The following PRKG1 variants were observed in gnomAD, a reference collection of about 807,000 sequenced individuals.
The protein encoded by PRKG1 is protein kinase cGMP-dependent 1.
Under a neutral mutation model 88.1 loss-of-function variants are expected in PRKG1, and 35 were observed. The observed-to-expected ratio is 0.40, with a 90% CI of 0.30 to 0.53. The LOEUF is 0.53. Ranked by LOEUF, PRKG1 falls within the 20% of genes least tolerant of loss-of-function variation. The probability of loss-of-function intolerance (pLI) is 0.59; values close to 1 mark genes in which losing one functional copy is unlikely to be tolerated. For missense variants in PRKG1, 540 were observed against 839.8 expected (o/e 0.64, Z 4.41); for synonymous variants, 303 against 292.5 (o/e 1.04, Z -0.37).
intron 1 of PRKG1, among the ~76,000 whole-genome samples, chr10:51,056,234 T>C (rs919283848): frequency 6.6e-6 from 1 of 152,202 alleles, no homozygotes; most frequent in African/African-American, 2.4e-5. Context: ...GTACTAGATA[T>C]GCTATTTGTG....
In PRKG1 at chr10:52,149,829, C is replaced by T. The variant is rs1420831553; in HGVS notation, c.1002-12060C>T. 2.0e-5 allele frequency among the ~76,000 whole-genome samples: 3 copies of T among 149,762 alleles called. No homozygotes were observed. In the East Asian group the frequency reaches 5.9e-4, roughly 29 times the overall value. ...TAATACAATAGGAGAAAGAGGTGAC[C>T]TATTGAAATAAAAATTATTTATCTT... On this transcript the variant is annotated intron_variant, in intron 8 of 17. Transcript: ENST00000373980.
At chr10:52,072,375 C>T (rs1447818357) in intron 7 of PRKG1, among the ~76,000 whole-genome samples, 1 of 151,686 alleles carries the variant, frequency 6.6e-6, no homozygotes, top group African/African-American at 2.4e-5. Flanking sequence ...AAGATGCTGT[C>T]CTCTCACTTT....
At chr10:51,960,840 G>C (rs1426987514) in intron 5 of PRKG1, among the ~76,000 whole-genome samples, 3 of 152,138 alleles carry the variant, frequency 2.0e-5, no homozygotes, top group Non-Finnish European at 4.4e-5. Context: ...TGCCAACAAA[G>C]AGCCTGTGAA....
intron 4 of PRKG1, among the ~76,000 whole-genome samples, chr10:51,836,484 T>C (rs1223754708): frequency 3.3e-5 from 5 of 152,196 alleles, no homozygotes. Context: ...AAGAAATCTC[T>C]ACCCAAAGCA....
chr10:51,475,192 G>T (rs1840156907), intron 3 of PRKG1, among the ~76,000 whole-genome samples: 1 of 151,894 alleles, frequency 6.6e-6, no homozygotes, highest in Non-Finnish European at 1.5e-5. Context: ...CCTGAATAAG[G>T]CTCTTAATAT....
chr10:51,464,991 C>G (rs577977857), intron 2 of PRKG1, among the ~76,000 whole-genome samples: 1 of 151,764 alleles, frequency 6.6e-6, no homozygotes, highest in Admixed American at 6.6e-5. Context: ...ACAATTCTGG[C>G]TGTAATGCCA....
At chr10:50,993,194 A>T (rs1318940330) in intron 1 of PRKG1, among the ~76,000 whole-genome samples, 1 of 152,196 alleles carries the variant, frequency 6.6e-6, no homozygotes, top group African/African-American at 2.4e-5. Flanking sequence ...GAAGACCAGG[A>T]GCTGGGAGCC....
In PRKG1 at chr10:51,198,864, G is replaced by A. The variant is rs568053623; in HGVS notation, c.478+45534G>A. Among the ~76,000 whole-genome samples, 13 of 152,264 alleles carry A rather than the reference G, an allele frequency of 8.5e-5. No homozygotes were observed. In the East Asian group the frequency reaches 1.2e-3, roughly 14 times the overall value. On this transcript the variant is annotated intron_variant, in intron 2 of 17. Transcript: ENST00000373980. ...ACCCCTAAGTAAGATTTAGTTATCC[G>A]TAGATTTAATCAATCCATGATCTTC...
At chr10:51,145,464 C>T (rs368452069) in intron 1 of PRKG1, among the ~76,000 whole-genome samples, 3 of 152,158 alleles carry the variant, frequency 2.0e-5, no homozygotes, top group South Asian at 2.1e-4. Flanking sequence ...GAAATGCGTA[C>T]GGTCTTATTT....
intron 2 of PRKG1, among the ~76,000 whole-genome samples, chr10:51,449,115 C>A (rs1033405097): frequency 6.6e-6 from 1 of 151,708 alleles, no homozygotes; most frequent in Non-Finnish European, 1.5e-5. Flanking sequence ...GTAATATTTC[C>A]CAGGACTTGT....
chr10:51,065,393 C>T (rs1414161412), intron 1 of PRKG1, among the ~76,000 whole-genome samples: 1 of 151,920 alleles, frequency 6.6e-6, no homozygotes, highest in Non-Finnish European at 1.5e-5. Flanking sequence ...TATCAAGACA[C>T]ATTATTTCCT....
Position 51,836,371 on chromosome 10 carries a change from C to G in PRKG1, c.698+31681C>G, listed in dbSNP as rs118119802. 6.1e-3 allele frequency among the ~76,000 whole-genome samples: 928 copies of G among 152,206 alleles called. 3 individuals carry two copies. The highest frequency in any genetic ancestry group is 0.011 in the Non-Finnish European group (725 of 68,000). ...TATTTTCTCCAAATCCATGGATTTT[C>G]TCTTCACTTTATTGTTTTCTTGGCT... On this transcript the variant is annotated intron_variant, in intron 4 of 17. Coordinates refer to ENST00000373980, the MANE Select transcript of PRKG1 (RefSeq NM_006258.4).
Position 51,304,911 on chromosome 10 carries a change from G to A in PRKG1, c.478+151581G>A, listed in dbSNP as rs771953364. Among the ~76,000 whole-genome samples, 9 of 151,916 alleles carry A rather than the reference G, an allele frequency of 5.9e-5. No homozygotes were observed. In the East Asian group the frequency reaches 7.8e-4, roughly 13 times the overall value. ...GACCAGAAGTTTGTCACTTCCTTAC[G>A]TCACATTACTTGTAAGGGGTAGAGA... On this transcript the variant is annotated intron_variant, in intron 2 of 17. Coordinates refer to ENST00000373980, the MANE Select transcript of PRKG1 (RefSeq NM_006258.4).
chr10:51,960,592 C>A (rs138857309), intron 5 of PRKG1, among the ~76,000 whole-genome samples: 65 of 151,890 alleles, frequency 4.3e-4, no homozygotes, highest in Non-Finnish European at 6.8e-4. Flanking sequence ...ACAGTGCCAC[C>A]TATTGGTAAA....
intron 9 of PRKG1, among the ~76,000 whole-genome samples, chr10:52,229,615 C>T (rs1461797244): frequency 6.6e-6 from 1 of 152,176 alleles, no homozygotes; most frequent in Non-Finnish European, 1.5e-5. Flanking sequence ...GAATCATTTT[C>T]AGCCATTTCC....
chr10:51,719,948 T>C (rs562553796), intron 3 of PRKG1, among the ~76,000 whole-genome samples: 7 of 152,060 alleles, frequency 4.6e-5, no homozygotes, highest in Non-Finnish European at 1.0e-4. Context: ...TGAGAGATGA[T>C]AACTGTGCCC....
chr10:51,113,944 C>CGTGTGTGTGTGTGTGT (rs35562284), intron 1 of PRKG1, among the ~76,000 whole-genome samples: 8 of 139,126 alleles, frequency 5.8e-5, no homozygotes, highest in African/African-American at 1.6e-4. Flanking sequence ...AGCCTGTAAA[C>CGTGTGTGTGTGTGTGT]GTGTGTGTGT....
rs75588528 is a variant in PRKG1, at chr10:51,241,271, C to T, written c.478+87941C>T. ...AGACAATAGTCACGGCGTCATGGCA[C>T]AGGCAGCCTGTGGAGCTAGCTCATT... is the stretch of plus-strand genomic sequence containing the variant. On this transcript the variant is annotated intron_variant, in intron 2 of 17. Transcript: ENST00000373980. Among the ~76,000 whole-genome samples the T allele has an allele frequency of 2.0e-3, 303 of 151,410 alleles. 1 individual carries two copies. Among genetic ancestry groups the T allele is most frequent in the African/African-American group, 7.0e-3 (287 of 41,196 alleles).
At chr10:51,543,485 G>A (rs1262516919) in intron 3 of PRKG1, among the ~76,000 whole-genome samples, 2 of 152,198 alleles carry the variant, frequency 1.3e-5, no homozygotes, top group African/African-American at 4.8e-5. Flanking sequence ...AACCCTATGA[G>A]TAGAGAGAGT....
Sources: allele counts gnomAD v4.1 joint callset (sites outside exome capture counted in the v4.1 genomes callset), GRCh38; gene constraint gnomAD v4.1.1; transcripts MANE v1.5; gene names NCBI Gene and HGNC (gene_info 2026-07-23, HGNC 2026-07-21).